Variants in COL4A4 observed in about 807,000 individuals in gnomAD.
The protein encoded by COL4A4 is collagen type IV alpha 4 chain, also known as collagen alpha-4(IV) chain.
A neutral mutation model predicts 192.9 loss-of-function variants in COL4A4; 105 were observed. That is an observed-to-expected ratio of 0.54 (90% CI 0.46 to 0.64). The LOEUF (loss-of-function observed/expected upper bound fraction) is 0.64. COL4A4 is among the 30% of genes least tolerant of loss of function. The pLI, the probability that COL4A4 is intolerant of heterozygous loss-of-function variation, is 0.00. For synonymous variants in COL4A4, 762 were observed against 769.9 expected (o/e 0.99, Z 0.17); for missense variants, 1,967 against 2,169.3 (o/e 0.91, Z 1.85).
intron 4 of COL4A4, among the ~76,000 whole-genome samples, chr2:227,137,296 CAG>C (rs1407522931): frequency 6.6e-6 from 1 of 152,182 alleles, no homozygotes; most frequent in African/African-American, 2.4e-5. Context: ...CAGGCTTGGT[CAG>C]AGTCAAGTGG....
the COL4A4 span, among the ~76,000 whole-genome samples, chr2:226,983,572 T>C: frequency 3.9e-5 from 6 of 152,226 alleles, no homozygotes; most frequent in Admixed American, 3.9e-4. Flanking sequence ...TCAGCAGAAG[T>C]TGCCAACTTT....
In COL4A4 at chr2:227,033,415, G is replaced by T; in HGVS notation, c.3572C>A (p.Ala1191Asp). 1 of 1,612,880 alleles carries T rather than the reference G, an allele frequency of 6.2e-7. No individual in the cohort carries two copies. The highest frequency in any genetic ancestry group is 8.5e-7 in the Non-Finnish European group (1 of 1,179,474). ...GLKGQKGTKGASGLHDVGPPG... is the reference protein window; with the variant it reads ...GLKGQKGTKGDSGLHDVGPPG... ...CGAATCGATTAGGTGCTTACCTGAAGCACCTTTAGTTCCTTTCTGACCTTT... is the reference window on the plus strand; with the variant it reads ...CGAATCGATTAGGTGCTTACCTGAATCACCTTTAGTTCCTTTCTGACCTTT... The change falls in exon 38 of 48, where the codon GCT becomes GAT. Residue 1191 changes from alanine to aspartate, a missense_variant. Transcript: ENST00000396625.
At chr2:227,140,070 T>G in intron 4 of COL4A4, 91 bp downstream of exon 4, 1 of 1,151,960 alleles carries the variant, frequency 8.7e-7, no homozygotes, top group Non-Finnish European at 1.3e-6. Context: ...AGGACTAAAA[T>G]TTGCCAAGAA....
intron 25 of COL4A4, among the ~76,000 whole-genome samples, chr2:227,069,851 A>G (rs1218306131): frequency 6.6e-6 from 1 of 151,704 alleles, no homozygotes; most frequent in African/African-American, 2.4e-5. Context: ...ATGGCAACAA[A>G]AGACAAAATT....
intron 20 of COL4A4, among the ~76,000 whole-genome samples, chr2:227,090,540 G>T (rs1455250640): frequency 6.6e-6 from 1 of 152,054 alleles, no homozygotes; most frequent in African/African-American, 2.4e-5. Flanking sequence ...CTTGAGGTCA[G>T]GAGTTTGAGA....
At chr2:227,128,188 C>G (rs140038574) in intron 4 of COL4A4, among the ~76,000 whole-genome samples, 4 of 152,266 alleles carry the variant, frequency 2.6e-5, no homozygotes, top group African/African-American at 9.6e-5. Context: ...TCACCTAAAC[C>G]TCTCCTCTTC....
In COL4A4 at chr2:227,095,976, C is replaced by T. The variant is rs971226518; in HGVS notation, c.1205-1687G>A. 6.6e-5 allele frequency among the ~76,000 whole-genome samples: 10 copies of T among 152,242 alleles called. No individual in the cohort carries two copies. In the East Asian group the frequency reaches 1.7e-3, roughly 26 times the overall value. On this transcript the variant is annotated intron_variant, in intron 19 of 47. Coordinates refer to ENST00000396625, the MANE Select transcript of COL4A4 (RefSeq NM_000092.5). Reference sequence around the variant, plus strand: ...CACCTCTCACAGCTTTTTTCCTAAGCGTGTCTGGCTCCAGATCCTCTCTGT... The same window carrying T: ...CACCTCTCACAGCTTTTTTCCTAAGTGTGTCTGGCTCCAGATCCTCTCTGT...
the COL4A4 span, among the ~76,000 whole-genome samples, chr2:226,989,911 G>T: frequency 3.3e-5 from 5 of 152,168 alleles, no homozygotes; most frequent in Non-Finnish European, 7.3e-5. Context: ...CTTGTTTTGA[G>T]ATTCCAGATA....
chr2:227,051,005 A>G lies in COL4A4; in HGVS notation c.3122T>C (p.Ile1041Thr). Residue 1041 changes from isoleucine (I) to threonine (T), a missense_variant, in exon 33 of 48, where the codon ATT (isoleucine) becomes ACT (threonine). Physicochemically the swap from Ile to Thr is moderately conservative, Grantham distance 89. Coordinates refer to ENST00000396625, the MANE Select transcript of COL4A4 (RefSeq NM_000092.5). ...GTCACCTGGAAGTCCTGGAAAACCA[A>G]TGAACCCTCTTAGACCAGTTGAGCC... Reference protein sequence around the residue: ...PPGSTGLRGFIGFPGLPGDQG... With the variant: ...PPGSTGLRGFTGFPGLPGDQG... 1.2e-6 allele frequency: 2 copies of G among 1,614,214 alleles called. No individual in the cohort carries two copies. The highest frequency in any genetic ancestry group is 1.7e-6 in the Non-Finnish European group (2 of 1,180,028).
Position 227,140,141 on chromosome 2 carries a change from T to C in COL4A4, c.192+20A>G. 1.2e-6 allele frequency: 2 copies of C among 1,601,402 alleles called. No individual in the cohort carries two copies. The highest frequency in any genetic ancestry group is 1.7e-6 in the Non-Finnish European group (2 of 1,168,358). On this transcript the variant is annotated intron_variant, in intron 4 of 47. Coordinates refer to ENST00000396625, the MANE Select transcript of COL4A4 (RefSeq NM_000092.5). ...TCAAAATTCAGGAATGCTGCCCATGTTGGTCTTTACATCACTTACCCGAGA... is the reference window on the plus strand; with the variant it reads ...TCAAAATTCAGGAATGCTGCCCATGCTGGTCTTTACATCACTTACCCGAGA...
chr2:227,099,227 C>G (rs2060370725), intron 18 of COL4A4, among the ~76,000 whole-genome samples: 1 of 152,068 alleles, frequency 6.6e-6, no homozygotes, highest in Non-Finnish European at 1.5e-5. Context: ...CCACCACACC[C>G]AGCTAATTTT....
intron 32 of COL4A4, 78 bp downstream of exon 32, chr2:227,052,227 T>G (rs1974277195): frequency 1.1e-6 from 1 of 880,516 alleles, no homozygotes; most frequent in African/African-American, 1.6e-5. Flanking sequence ...TCAGTGTTAT[T>G]GGGGAAAGTT....
rs115506646 is a variant in COL4A4, at chr2:227,155,033, T to C, written c.-101-7449A>G. On this transcript the variant is annotated intron_variant, in intron 1 of 47. Transcript: ENST00000396625. ...GTTTTCAAAGTGGGTCATGAGTCTA[T>C]GTGGTCCATGGACCACCGGAATGTG... 7.9e-3 allele frequency among the ~76,000 whole-genome samples: 1,206 copies of C among 152,332 alleles called. 17 individuals carry two copies. The highest frequency in any genetic ancestry group is 0.027 in the African/African-American group (1,143 of 41,568).
At chr2:227,115,561 T>C (rs113832601) in intron 7 of COL4A4, among the ~76,000 whole-genome samples, 5,268 of 152,176 alleles carry the variant, frequency 0.035, 297 homozygotes, top group African/African-American at 0.12. Flanking sequence ...CATGAGCCAC[T>C]GTGCCCGGCC....
chr2:227,054,175 GA>G (rs1334634377), intron 31 of COL4A4, among the ~76,000 whole-genome samples: 3 of 152,106 alleles, frequency 2.0e-5, no homozygotes, highest in Non-Finnish European at 2.9e-5. Context: ...AAGCAGACTT[GA>G]GTCGTTGTGA....
intron 4 of COL4A4, among the ~76,000 whole-genome samples, chr2:227,130,830 C>T (rs1461214540): frequency 6.6e-6 from 1 of 152,148 alleles, no homozygotes; most frequent in East Asian, 1.9e-4. Context: ...TCCTGGGAGG[C>T]CCGCATGCCT....
intron 17 of COL4A4, among the ~76,000 whole-genome samples, chr2:227,101,281 A>T (rs1202952000): frequency 6.6e-6 from 1 of 152,176 alleles, no homozygotes; most frequent in Non-Finnish European, 1.5e-5. Flanking sequence ...GTGGAACTGT[A>T]AGTCCATTTA....
downstream of COL4A4, among the ~76,000 whole-genome samples, chr2:227,001,584 C>T (rs890821515): frequency 1.1e-4 from 17 of 152,088 alleles, no homozygotes; most frequent in East Asian, 3.9e-4. Context: ...TGGGGAAAGC[C>T]GCTGGGAGGT....
In COL4A4 at chr2:227,007,042, T is replaced by C; in HGVS notation, c.*283A>G. The C allele has an allele frequency of 2.1e-6, 1 of 472,752 alleles. No homozygotes were observed. Among genetic ancestry groups the C allele is most frequent in the African/African-American group, 2.0e-5 (1 of 51,280 alleles). The allele number at this position is 472,752 out of a possible 1,614,324, so 29.3% of individuals were successfully genotyped here. ...CTGGCCTTTATCATCTACTTGCCTT[T>C]CTGAGAATTAGCATATTTTTAAGTA... On this transcript the variant is annotated 3_prime_UTR_variant, in exon 48 of 48. Transcript: ENST00000396625.
Sources: allele counts gnomAD v4.1 joint callset (sites outside exome capture counted in the v4.1 genomes callset), GRCh38; gene constraint gnomAD v4.1.1; transcripts MANE v1.5; gene names NCBI Gene and HGNC (gene_info 2026-07-23, HGNC 2026-07-21).